Variants in GFM1 observed in about 807,000 individuals in gnomAD.
GFM1 encodes elongation factor G, mitochondrial.
Under a neutral mutation model 96.2 loss-of-function variants are expected in GFM1, and 62 were observed. The observed-to-expected ratio is 0.64, with a 90% CI of 0.53 to 0.80. The LOEUF (loss-of-function observed/expected upper bound fraction) is 0.80, where lower values mean the gene tolerates loss of function less well. Ranked by LOEUF, GFM1 falls within the 30% of genes least tolerant of loss-of-function variation. The probability of loss-of-function intolerance (pLI) is 0.00; values close to 1 mark genes in which losing one functional copy is unlikely to be tolerated. For synonymous variants in GFM1, 282 were observed against 312.9 expected (o/e 0.90, Z 1.04); for missense variants, 852 against 916.6 (o/e 0.93, Z 0.91).
intron 5 of GFM1, chr3:158,650,049 G>T: frequency 7.8e-6 from 12 of 1,535,734 alleles, no homozygotes; most frequent in African/African-American, 1.4e-5. Context: ...AATTGGGATC[G>T]CAGGTCTGGC....
Position 158,644,557 on chromosome 3 carries a change from T to G in GFM1, c.-78T>G. ...TACAACATTGGCTGCCGGCGTGACT[T>G]TGACCGCTTCCCGGTGCGTTACCGG... On this transcript the variant is annotated 5_prime_UTR_variant, in exon 1 of 18. Transcript: ENST00000486715. 2 of 1,236,160 alleles carry G rather than the reference T, an allele frequency of 1.6e-6. No individual in the cohort carries two copies. Among genetic ancestry groups the G allele is most frequent in the Non-Finnish European group, 2.3e-6 (2 of 864,372 alleles). The allele number at this position is 1,236,160 out of a possible 1,614,324, so 76.6% of individuals were successfully genotyped here. A position where few individuals can be genotyped will look rare whatever the true frequency, so the allele number is the denominator to read the frequency against.
intron 5 of GFM1, chr3:158,650,216 C>G (rs1385138375): frequency 1.5e-6 from 1 of 686,710 alleles, no homozygotes; most frequent in Non-Finnish European, 2.6e-6. Context: ...ACCTACCACT[C>G]CTTAGGATAT....
chr3:158,692,921 G>A lies in GFM1; in HGVS notation c.*1454G>A, dbSNP rs1726418432. On this transcript the variant is annotated 3_prime_UTR_variant, in exon 18 of 18. Coordinates refer to ENST00000486715, the MANE Select transcript of GFM1 (RefSeq NM_024996.7). ...TTGCCCAGGCTGGTCTCAAACTCCT[G>A]GGCTCAAGCTCTCTGCCTGCCCCAG... Among the ~76,000 whole-genome samples, 1 of 151,970 alleles carries A rather than the reference G, an allele frequency of 6.6e-6. No individual in the cohort carries two copies. Among genetic ancestry groups the A allele is most frequent in the Admixed American group, 6.6e-5 (1 of 15,228 alleles).
Position 158,694,011 on chromosome 3 carries a change from C to T in GFM1, c.*2544C>T, listed in dbSNP as rs1576803625. Among the ~76,000 whole-genome samples the T allele has an allele frequency of 1.3e-5, 2 of 151,522 alleles. No homozygotes were observed. Among genetic ancestry groups the T allele is most frequent in the South Asian group, 4.2e-4 (2 of 4,792 alleles). Reference sequence around the variant, plus strand: ...ATTAGAGTTTGGTTTTTTTGTTTAACAACTGTTTTTTTTTTTAAGAGATGG... The same window carrying T: ...ATTAGAGTTTGGTTTTTTTGTTTAATAACTGTTTTTTTTTTTAAGAGATGG... On this transcript the variant is annotated 3_prime_UTR_variant, in exon 18 of 18. Coordinates refer to ENST00000486715, the MANE Select transcript of GFM1 (RefSeq NM_024996.7).
intron 7 of GFM1, among the ~76,000 whole-genome samples, chr3:158,654,070 C>CA (rs113232411): frequency 9.4e-4 from 134 of 141,892 alleles, no homozygotes; most frequent in African/African-American, 2.5e-3. Context: ...AATAAGATTC[C>CA]AAAAAAAAAA....
intron 9 of GFM1, among the ~76,000 whole-genome samples, chr3:158,659,789 TG>T (rs1205112750): frequency 6.6e-6 from 1 of 152,224 alleles, no homozygotes; most frequent in Non-Finnish European, 1.5e-5. Context: ...ACGAATTTTT[TG>T]GTAGCCATAA....
intron 14 of GFM1, chr3:158,682,390 G>T: frequency 2.0e-6 from 1 of 488,398 alleles, no homozygotes. Flanking sequence ...CTGAATCATA[G>T]TTATATTTTT....
At chr3:158,661,880 T>G (rs1002508227) in intron 10 of GFM1, among the ~76,000 whole-genome samples, 1 of 152,200 alleles carries the variant, frequency 6.6e-6, no homozygotes, top group Non-Finnish European at 1.5e-5. Flanking sequence ...ATGTGTATAT[T>G]ATTACCTGTT....
Position 158,654,646 on chromosome 3 carries a change from A to C in GFM1, c.1083+15A>C. On this transcript the variant is annotated intron_variant, in intron 8 of 17. Transcript: ENST00000486715. ...TTAAACTGGAGGTAAGTTGCTTTCT[A>C]ATGTATTTAACTGCTATCTGTAGAA... 6.6e-7 allele frequency: 1 copy of C among 1,507,462 alleles called. No homozygotes were observed. The allele number at this position is 1,507,462 out of a possible 1,614,324, so 93.4% of individuals were successfully genotyped here. A position where few individuals can be genotyped will look rare whatever the true frequency, so the allele number is the denominator to read the frequency against.
chr3:158,673,902 T>C (rs1724624255), intron 13 of GFM1, among the ~76,000 whole-genome samples: 2 of 152,004 alleles, frequency 1.3e-5, no homozygotes, highest in South Asian at 2.1e-4. Context: ...TTCTGGACTT[T>C]GGCCTCAGTT....
chr3:158,684,502 A>C, intron 14 of GFM1, 22 bp from the exon 15 acceptor site: 2 of 1,613,810 alleles, frequency 1.2e-6, no homozygotes, highest in Non-Finnish European at 1.7e-6. Context: ...TCACTCCAGA[A>C]GTTGTGTTCA....
chr3:158,673,807 A>G (rs1478436471), intron 13 of GFM1, among the ~76,000 whole-genome samples: 1 of 151,630 alleles, frequency 6.6e-6, no homozygotes, highest in Non-Finnish European at 1.5e-5. Context: ...CCTGGCCAGG[A>G]CCTTTAACTT....
Position 158,652,264 on chromosome 3 carries a change from A to G in GFM1, c.840+18A>G. 6.2e-7 allele frequency: 1 copy of G among 1,612,226 alleles called. No individual in the cohort carries two copies. Among genetic ancestry groups the G allele is most frequent in the South Asian group, 1.1e-5 (1 of 91,048 alleles). On this transcript the variant is annotated intron_variant, in intron 6 of 17. Transcript: ENST00000486715. ...ATTTAAAGGCAAGTGCTTTCAAAAT[A>G]AGTCTTATGTTAACAACAAAAAGAA...
In GFM1 at chr3:158,644,712, G is replaced by A. The variant is rs1721601502; in HGVS notation, c.78G>A (p.Lys26=). ...RAPASLGWQR[K]QVNWKACRWS... ...CCGCCTCCCTAGGCTGGCAGAGGAA[G>A]CAGGTACCGGAGCATAGAGAGGCTA... Residue 26 remains lysine, a synonymous_variant, in exon 1 of 18, where the codon AAG becomes AAA. Transcript: ENST00000486715. 5 of 1,574,462 alleles carry A rather than the reference G, an allele frequency of 3.2e-6. No homozygotes were observed. In the East Asian group the frequency reaches 9.2e-5, roughly 29 times the overall value.
rs761692289 is a variant in GFM1 at position 158,646,310 on chromosome 3, C to G, written c.367+13C>G. 1 of 1,613,720 alleles carries G rather than the reference C, an allele frequency of 6.2e-7. No homozygotes were observed. The highest frequency in any genetic ancestry group is 1.3e-5 in the African/African-American group (1 of 74,920). On this transcript the variant is annotated intron_variant, in intron 3 of 17. Transcript: ENST00000486715. Reference sequence around the variant, plus strand: ...ATAGATACTCCTGGTGAGTTGGATTCTTGGTTTTATTGCAGCTTCTTTGGC... The same window carrying G: ...ATAGATACTCCTGGTGAGTTGGATTGTTGGTTTTATTGCAGCTTCTTTGGC...
At chr3:158,654,031 C>T (rs1722522862) in intron 7 of GFM1, among the ~76,000 whole-genome samples, 1 of 151,744 alleles carries the variant, frequency 6.6e-6, no homozygotes, top group African/African-American at 2.4e-5. Flanking sequence ...GAGATTGCAC[C>T]ACTGCACTCC....
At chr3:158,659,137 A>G in intron 9 of GFM1, 78 bp downstream of exon 9, 1 of 1,491,548 alleles carries the variant, frequency 6.7e-7, no homozygotes, top group Non-Finnish European at 9.3e-7. Flanking sequence ...CCTGAGCCCC[A>G]CTAGAAAATT....
chr3:158,674,553 A>G (rs945266773), intron 13 of GFM1, among the ~76,000 whole-genome samples: 1 of 152,196 alleles, frequency 6.6e-6, no homozygotes, highest in African/African-American at 2.4e-5. Flanking sequence ...TTTGAGAGAC[A>G]CTTTAGAAGA....
chr3:158,672,484 A>T (rs929626263), intron 13 of GFM1: 1 of 1,613,708 alleles, frequency 6.2e-7, no homozygotes, highest in East Asian at 2.2e-5. Flanking sequence ...TCCATTCCGG[A>T]TGAGCAGTGA....
Sources: allele counts gnomAD v4.1 joint callset (sites outside exome capture counted in the v4.1 genomes callset), GRCh38; gene constraint gnomAD v4.1.1; transcripts MANE v1.5; gene names NCBI Gene and HGNC (gene_info 2026-07-23, HGNC 2026-07-21).